The following HPSE2 variants were observed in gnomAD, a reference collection of about 807,000 sequenced individuals.
HPSE2 encodes inactive heparanase-2.
HPSE2 carries 38 observed loss-of-function variants against 60.5 expected under a neutral mutation model. The observed-to-expected ratio is 0.63, with a 90% CI of 0.48 to 0.82. The LOEUF (loss-of-function observed/expected upper bound fraction) is 0.82. Ranked by LOEUF, HPSE2 falls within the 40% of genes least tolerant of loss-of-function variation. The pLI, the probability that HPSE2 is intolerant of heterozygous loss-of-function variation, is 0.00. For missense variants in HPSE2, 713 were observed against 740.4 expected (o/e 0.96, Z 0.43); for synonymous variants, 295 against 293.2 (o/e 1.01, Z -0.06).
chr10:98,740,209 C>T (rs1432291409), intron 4 of HPSE2, among the ~76,000 whole-genome samples: 9 of 148,506 alleles, frequency 6.1e-5, no homozygotes, highest in African/African-American at 2.2e-4. Flanking sequence ...AGGGTCTCAC[C>T]ATGTCACCCA....
At chr10:98,842,290 G>A in intron 3 of HPSE2, among the ~76,000 whole-genome samples, 1 of 152,144 alleles carries the variant, frequency 6.6e-6, no homozygotes, top group East Asian at 1.9e-4. Context: ...GTCTTCAGAA[G>A]ATACTATCTT....
intron 6 of HPSE2, among the ~76,000 whole-genome samples, chr10:98,649,982 A>G (rs555464624): frequency 6.6e-6 from 1 of 152,162 alleles, no homozygotes; most frequent in South Asian, 2.1e-4. Context: ...CCAAAATTTG[A>G]GCTTCCCTTC....
At chr10:99,033,268 GATT>G (rs948334439) in intron 3 of HPSE2, among the ~76,000 whole-genome samples, 18 of 152,012 alleles carry the variant, frequency 1.2e-4, no homozygotes, top group African/African-American at 4.1e-4. Flanking sequence ...TTTGGGGGGA[GATT>G]ATTTGTATTT....
rs1462771783 is a variant in HPSE2 at position 98,936,957 on chromosome 10, C to T, written c.611-192901G>A. Among the ~76,000 whole-genome samples, 18 of 96,554 alleles carry T rather than the reference C, an allele frequency of 1.9e-4. 3 individuals carry two copies. The highest frequency in any genetic ancestry group is 3.2e-4 in the South Asian group (1 of 3,082). The allele number at this position is 96,554 out of a possible 152,430, so 63.3% of individuals were successfully genotyped here. Reference sequence around the variant, plus strand: ...CAGCACTACTACACTCCAAACTGGGCGACAGTAGGAGACTCCATCTCAAAA... The same window carrying T: ...CAGCACTACTACACTCCAAACTGGGTGACAGTAGGAGACTCCATCTCAAAA... On this transcript the variant is annotated intron_variant, in intron 3 of 11. Coordinates refer to ENST00000370552, the MANE Select transcript of HPSE2 (RefSeq NM_021828.5).
intron 5 of HPSE2, among the ~76,000 whole-genome samples, chr10:98,695,896 G>A (rs557440206): frequency 2.0e-5 from 3 of 152,152 alleles, no homozygotes; most frequent in South Asian, 2.1e-4. Context: ...CCTGTCACGT[G>A]CTATCCTGTC....
intron 9 of HPSE2, among the ~76,000 whole-genome samples, chr10:98,495,167 T>C (rs1006836487): frequency 2.6e-5 from 4 of 152,114 alleles, no homozygotes; most frequent in African/African-American, 9.7e-5. Context: ...GGATTCTTTG[T>C]TGACAGTTTT....
chr10:98,635,729 C>T (rs1432404702), intron 7 of HPSE2, among the ~76,000 whole-genome samples: 1 of 147,670 alleles, frequency 6.8e-6, no homozygotes, highest in Non-Finnish European at 1.5e-5. Context: ...CTGCAGTGAG[C>T]TATAATTGCA....
chr10:98,810,687 C>A (rs975352555), intron 3 of HPSE2, among the ~76,000 whole-genome samples: 4 of 151,756 alleles, frequency 2.6e-5, no homozygotes, highest in African/African-American at 9.7e-5. Context: ...TTCCCTGGGC[C>A]ACACTGGAAG....
chr10:98,946,711 T>C (rs1032687068), intron 3 of HPSE2, among the ~76,000 whole-genome samples: 10 of 152,124 alleles, frequency 6.6e-5, no homozygotes, highest in Admixed American at 2.6e-4. Context: ...AATGGCACCA[T>C]TTACAGTTAA....
intron 3 of HPSE2, among the ~76,000 whole-genome samples, chr10:99,082,568 A>T (rs1843183377): frequency 6.6e-6 from 1 of 152,212 alleles, no homozygotes; most frequent in Non-Finnish European, 1.5e-5. Flanking sequence ...CCTCAGCTAC[A>T]TTGTTAGACC....
intron 2 of HPSE2, among the ~76,000 whole-genome samples, chr10:99,193,023 C>T (rs1848274804): frequency 6.6e-6 from 1 of 152,084 alleles, no homozygotes; most frequent in African/African-American, 2.4e-5. Flanking sequence ...AATATATAAA[C>T]TACTCATATC....
chr10:99,157,560 T>A (rs1469675631), intron 2 of HPSE2, among the ~76,000 whole-genome samples: 5 of 131,292 alleles, frequency 3.8e-5, no homozygotes, highest in African/African-American at 7.7e-5. Flanking sequence ...TGTAGAAAGC[T>A]GAAACTGGAT....
chr10:98,989,300 C>G (rs1026760607), intron 3 of HPSE2, among the ~76,000 whole-genome samples: 33 of 152,132 alleles, frequency 2.2e-4, no homozygotes, highest in African/African-American at 5.3e-4. Flanking sequence ...TATACACCAT[C>G]GAATACTAGG....
intron 6 of HPSE2, among the ~76,000 whole-genome samples, chr10:98,675,306 CA>C (rs1947608274): frequency 2.0e-5 from 3 of 152,116 alleles, no homozygotes; most frequent in African/African-American, 7.2e-5. Context: ...AGCTGAAATT[CA>C]GTGCAATAAA....
intron 11 of HPSE2, among the ~76,000 whole-genome samples, chr10:98,478,574 A>G (rs1160699586): frequency 6.6e-6 from 1 of 152,198 alleles, no homozygotes; most frequent in Admixed American, 6.5e-5. Flanking sequence ...CAGACCAGGC[A>G]AGCCTTTGGA....
At chr10:98,642,425 TGA>T (rs1444090504) in intron 6 of HPSE2, among the ~76,000 whole-genome samples, 1 of 152,140 alleles carries the variant, frequency 6.6e-6, no homozygotes, top group Non-Finnish European at 1.5e-5. Context: ...GTGTAGTGAG[TGA>T]GTCTCCAGCT....
rs894603356 is a variant in HPSE2, at chr10:99,144,150, T to C, written c.610+88A>G. 6.0e-6 allele frequency: 7 copies of C among 1,164,196 alleles called. No homozygotes were observed. In the African/African-American group the frequency reaches 7.5e-5, roughly 13 times the overall value. The allele number at this position is 1,164,196 out of a possible 1,614,324, so 72.1% of individuals were successfully genotyped here. A position where few individuals can be genotyped will look rare whatever the true frequency, so the allele number is the denominator to read the frequency against. On this transcript the variant is annotated intron_variant, in intron 3 of 11. Coordinates refer to ENST00000370552, the MANE Select transcript of HPSE2 (RefSeq NM_021828.5). Reference sequence around the variant, plus strand: ...AGTCATCACAATTTAAAAAGTGATATAGTGGGTGTAGACAGACAGATGTGT... The same window carrying C: ...AGTCATCACAATTTAAAAAGTGATACAGTGGGTGTAGACAGACAGATGTGT...
intron 2 of HPSE2, among the ~76,000 whole-genome samples, chr10:99,193,618 G>C (rs925106324): frequency 6.6e-6 from 1 of 151,940 alleles, no homozygotes; most frequent in Non-Finnish European, 1.5e-5. Context: ...GGAAACCAAC[G>C]AAGAGCAAGA....
chr10:98,500,499 C>G (rs1231020830), intron 9 of HPSE2, among the ~76,000 whole-genome samples: 1 of 152,158 alleles, frequency 6.6e-6, no homozygotes, highest in African/African-American at 2.4e-5. Context: ...CACAACCTGT[C>G]AAACCCTCTG....
Sources: allele counts gnomAD v4.1 joint callset (sites outside exome capture counted in the v4.1 genomes callset), GRCh38; gene constraint gnomAD v4.1.1; transcripts MANE v1.5; gene names NCBI Gene and HGNC (gene_info 2026-07-23, HGNC 2026-07-21).